The following PLXDC2 variants were observed in gnomAD, a reference collection of about 807,000 sequenced individuals.
The protein encoded by PLXDC2 is plexin domain containing 2.
A neutral mutation model predicts 68.9 loss-of-function variants in PLXDC2; 40 were observed. The ratio of observed to expected loss-of-function variants is 0.58; its 90% CI spans 0.45 to 0.76. The LOEUF (loss-of-function observed/expected upper bound fraction) is 0.76. Ranked by LOEUF, PLXDC2 falls within the 30% of genes least tolerant of loss-of-function variation. PLXDC2 has a pLI of 0.00. For synonymous variants in PLXDC2, 243 were observed against 234.2 expected (o/e 1.04, Z -0.34); for missense variants, 644 against 661.9 (o/e 0.97, Z 0.30).
chr10:20,164,026 A>T, intron 6 of PLXDC2, among the ~76,000 whole-genome samples: 1 of 152,194 alleles, frequency 6.6e-6, no homozygotes, highest in East Asian at 1.9e-4. Flanking sequence ...TTTTATATCT[A>T]TAAGACTGCT....
At chr10:20,114,152 A>G (rs946888472) in intron 4 of PLXDC2, among the ~76,000 whole-genome samples, 2 of 152,104 alleles carry the variant, frequency 1.3e-5, no homozygotes, top group Non-Finnish European at 2.9e-5. Context: ...ACAGAAAACA[A>G]TTAGGCAAAT....
At chr10:20,109,688 G>T (rs539610323) in intron 4 of PLXDC2, among the ~76,000 whole-genome samples, 7 of 152,256 alleles carry the variant, frequency 4.6e-5, no homozygotes, top group Middle Eastern at 3.4e-3. Context: ...AGTGAAGAAG[G>T]TTTAAATGTT....
chr10:20,060,395 A>G (rs1048942165), intron 3 of PLXDC2, among the ~76,000 whole-genome samples: 3 of 151,900 alleles, frequency 2.0e-5, no homozygotes, highest in African/African-American at 7.3e-5. Context: ...TGAGAATTTT[A>G]AAAAAGAAAG....
chr10:20,078,930 A>G (rs1194052046), intron 4 of PLXDC2, among the ~76,000 whole-genome samples: 1 of 152,188 alleles, frequency 6.6e-6, no homozygotes, highest in Non-Finnish European at 1.5e-5. Context: ...AAAATAAAAT[A>G]TAACAATGCA....
At chr10:20,243,411 C>T (rs745497114) in intron 12 of PLXDC2, among the ~76,000 whole-genome samples, 1 of 152,162 alleles carries the variant, frequency 6.6e-6, no homozygotes, top group Non-Finnish European at 1.5e-5. Flanking sequence ...ATTTGATCTT[C>T]TTTCACTAAT....
intron 1 of PLXDC2, among the ~76,000 whole-genome samples, chr10:19,882,469 GA>G (rs920786007): frequency 3.9e-5 from 6 of 152,078 alleles, no homozygotes; most frequent in African/African-American, 1.4e-4. Flanking sequence ...AGTGAAGTTT[GA>G]AAAAAATCGG....
At chr10:20,072,554 A>AG (rs1836353370) in intron 4 of PLXDC2, among the ~76,000 whole-genome samples, 2 of 84,406 alleles carry the variant, frequency 2.4e-5, no homozygotes, top group Admixed American at 1.2e-4. Context: ...AAAGAAAGAA[A>AG]AGGAAAGAAA....
At chr10:20,261,066 G>A (rs1835803434) in intron 13 of PLXDC2, among the ~76,000 whole-genome samples, 1 of 152,026 alleles carries the variant, frequency 6.6e-6, no homozygotes, top group Admixed American at 6.6e-5. Context: ...ATTGAGTTGT[G>A]TGAGTTCCTT....
intron 4 of PLXDC2, among the ~76,000 whole-genome samples, chr10:20,104,489 A>C (rs1334959587): frequency 1.3e-5 from 2 of 152,172 alleles, no homozygotes; most frequent in East Asian, 3.8e-4. Context: ...TCTGTAATAC[A>C]TATTTTTATA....
chr10:19,864,242 G>A (rs1837374006), intron 1 of PLXDC2, among the ~76,000 whole-genome samples: 1 of 152,128 alleles, frequency 6.6e-6, no homozygotes, highest in Admixed American at 6.6e-5. Flanking sequence ...TTGGCCTCCA[G>A]CAATCCTCCA....
At chr10:20,044,725 A>G (rs1186403107) in intron 2 of PLXDC2, among the ~76,000 whole-genome samples, 1 of 152,112 alleles carries the variant, frequency 6.6e-6, no homozygotes, top group Non-Finnish European at 1.5e-5. Context: ...CAATCAGAAC[A>G]AGGGAAATGA....
chr10:20,223,137 C>T (rs886420283), intron 12 of PLXDC2, among the ~76,000 whole-genome samples: 4 of 152,096 alleles, frequency 2.6e-5, no homozygotes, highest in African/African-American at 9.7e-5. Flanking sequence ...CTTCACACAA[C>T]ATCCCTGACT....
intron 9 of PLXDC2, among the ~76,000 whole-genome samples, chr10:20,192,995 T>G (rs1420292210): frequency 1.3e-5 from 2 of 152,062 alleles, no homozygotes; most frequent in Admixed American, 1.3e-4. Flanking sequence ...ATTTAGTCAG[T>G]GAGTGCCTCT....
At chr10:20,092,129 G>A (rs1024200059) in intron 4 of PLXDC2, among the ~76,000 whole-genome samples, 1 of 152,190 alleles carries the variant, frequency 6.6e-6, no homozygotes, top group Non-Finnish European at 1.5e-5. Flanking sequence ...GTGGAGAAAA[G>A]AAGGAAAGGA....
At chr10:20,207,319 C>T (rs935789498) in intron 9 of PLXDC2, among the ~76,000 whole-genome samples, 4 of 152,266 alleles carry the variant, frequency 2.6e-5, no homozygotes, top group African/African-American at 9.6e-5. Context: ...AACTGCATTT[C>T]TGCACTTTTC....
intron 4 of PLXDC2, among the ~76,000 whole-genome samples, chr10:20,123,565 G>T (rs534145095): frequency 6.6e-6 from 1 of 152,124 alleles, no homozygotes; most frequent in Non-Finnish European, 1.5e-5. Flanking sequence ...GGTCAGGTGA[G>T]AGTTGAAGAG....
intron 12 of PLXDC2, among the ~76,000 whole-genome samples, chr10:20,238,677 G>GTATATATATATATATATATATATA (rs10633613): frequency 1.7e-3 from 133 of 76,562 alleles, no homozygotes; most frequent in South Asian, 6.5e-3. Context: ...ATATATATAT[G>GTATATATATATATATATATATATA]TATATATATA....
chr10:20,230,540 C>T (rs113515056), intron 12 of PLXDC2, among the ~76,000 whole-genome samples: 16,259 of 150,998 alleles, frequency 0.11, 1,089 homozygotes, highest in African/African-American at 0.17. Flanking sequence ...AGCATGGTGG[C>T]GTGCACTTGT....
intron 2 of PLXDC2, among the ~76,000 whole-genome samples, chr10:20,040,551 C>A (rs574367222): frequency 1.3e-5 from 2 of 152,104 alleles, no homozygotes; most frequent in African/African-American, 4.8e-5. Flanking sequence ...GTCTTGCTCT[C>A]GACTTTTGCT....
Sources: gnomAD v4.1 joint callset for allele counts (sites outside exome capture counted in the v4.1 genomes callset) on GRCh38, gnomAD v4.1.1 for gene constraint, MANE v1.5 for transcripts, NCBI Gene and HGNC (gene_info 2026-07-23, HGNC 2026-07-21) for gene names.